PPP1R1C: variants seen among roughly 807,000 people sequenced by gnomAD.
PPP1R1C encodes the protein protein phosphatase 1 regulatory inhibitor subunit 1C.
PPP1R1C carries 15 observed loss-of-function variants against 17.4 expected under a neutral mutation model. The ratio of observed to expected loss-of-function variants is 0.86; its 90% confidence interval spans 0.58 to 1.33. The LOEUF is 1.33. Among genes scored for constraint, PPP1R1C ranks in the 40% most tolerant of loss-of-function variants. PPP1R1C has a pLI of 0.00. For missense variants in PPP1R1C, 143 were observed against 130.0 expected, an observed-to-expected ratio of 1.10 and a Z score of -0.48; for synonymous variants, 35 against 43.1, an observed-to-expected ratio of 0.81 and a Z score of 0.73.
intron 1 of PPP1R1C, among the ~76,000 whole-genome samples, chr2:181,970,569 G>T (rs1444798325): frequency 6.6e-6 from 1 of 152,114 alleles, no homozygotes; most frequent in East Asian, 1.9e-4. Flanking sequence ...GATAACCACT[G>T]CTTGGCTATC....
At chr2:181,979,958 ACAGT>A (rs1253574996) in intron 2 of PPP1R1C, among the ~76,000 whole-genome samples, 6 of 152,222 alleles carry the variant, frequency 3.9e-5, no homozygotes, top group Non-Finnish European at 8.8e-5. Flanking sequence ...TCTGTGGCTC[ACAGT>A]CAGACATCAC....
chr2:182,045,821 A>G (rs1289672252), intron 2 of PPP1R1C, among the ~76,000 whole-genome samples: 4 of 152,168 alleles, frequency 2.6e-5, no homozygotes, highest in African/African-American at 7.2e-5. Flanking sequence ...TAAGAATATG[A>G]CTTAAATGAG....
chr2:182,066,353 AT>A (rs34351162), intron 4 of PPP1R1C, among the ~76,000 whole-genome samples: 1 of 151,992 alleles, frequency 6.6e-6, no homozygotes, highest in East Asian at 1.9e-4. Flanking sequence ...TATTCATTCT[AT>A]TTTCAGCTAT....
chr2:182,117,401 C>T lies in PPP1R1C; in HGVS notation c.*106C>T, dbSNP rs1014261107. The T allele has an allele frequency of 1.3e-6, 1 of 759,134 alleles. No individual in the cohort carries two copies. Among genetic ancestry groups the T allele is most frequent in the Admixed American group, 2.6e-5 (1 of 38,352 alleles). The allele number at this position is 759,134 out of a possible 1,614,324, so 47.0% of individuals were successfully genotyped here. ...TGACTTCCAGAAGCATCCTCCATCT[C>T]TGCACCCCACACTCATACAGTAGCT... On this transcript the variant is annotated 3_prime_UTR_variant, in exon 5 of 5. Coordinates refer to ENST00000682840, the MANE Select transcript of PPP1R1C (RefSeq NM_001080545.3).
intron 4 of PPP1R1C, among the ~76,000 whole-genome samples, chr2:182,105,196 TA>T (rs1689207895): frequency 1.3e-5 from 2 of 152,204 alleles, no homozygotes; most frequent in Non-Finnish European, 2.9e-5. Context: ...TTTGCTTTAC[TA>T]TGTAAAATCA....
chr2:182,013,006 A>C (rs1274093713), intron 2 of PPP1R1C, among the ~76,000 whole-genome samples: 4 of 152,000 alleles, frequency 2.6e-5, no homozygotes, highest in Admixed American at 1.3e-4. Context: ...TTGTAATTAT[A>C]ATTTTTGATG....
intron 2 of PPP1R1C, among the ~76,000 whole-genome samples, chr2:182,058,181 G>T (rs1687745750): frequency 1.3e-5 from 2 of 151,720 alleles, no homozygotes; most frequent in Non-Finnish European, 2.9e-5. Context: ...ACATTTAATT[G>T]TCATGTCTCC....
chr2:182,071,029 C>G (rs1359573395), intron 4 of PPP1R1C, among the ~76,000 whole-genome samples: 3 of 152,166 alleles, frequency 2.0e-5, no homozygotes, highest in African/African-American at 7.2e-5. Context: ...TCACCTCCCA[C>G]CAAGCCCCAC....
intron 4 of PPP1R1C, among the ~76,000 whole-genome samples, chr2:182,100,464 C>T (rs1260175176): frequency 6.6e-6 from 1 of 150,974 alleles, no homozygotes; most frequent in Non-Finnish European, 1.5e-5. Flanking sequence ...GAGCCGAGAT[C>T]TCGCCACTGC....
At position 181,962,522 on chromosome 2, in the gene PPP1R1C, C is replaced by A; in HGVS notation, n.111+7888C>A. On this transcript the variant is annotated intron_variant and non_coding_transcript_variant, in intron 1 of 5. Transcript: ENST00000464264. The surrounding 1 kb of genome is among the most constrained non-coding windows in gnomAD (Gnocchi z 6.0). ...TGAGAGGACAGGACTCAGGCTTTGC[C>A]GACCCGTCATAGCAGTTTTCTAAGG... 1 of 625,486 alleles carries A rather than the reference C, an allele frequency of 1.6e-6. No homozygotes were observed. The highest frequency in any genetic ancestry group is 1.7e-5 in the South Asian group (1 of 58,520). 38.7% of individuals were successfully genotyped at this position (625,486 alleles called of 1,614,324 possible).
chr2:182,017,564 T>C (rs1300226896), intron 2 of PPP1R1C, among the ~76,000 whole-genome samples: 1 of 152,064 alleles, frequency 6.6e-6, no homozygotes, highest in Non-Finnish European at 1.5e-5. Flanking sequence ...TTAAAGAATA[T>C]AGGGGTGAAT....
chr2:182,109,427 G>C (rs1213717334), intron 4 of PPP1R1C, among the ~76,000 whole-genome samples: 1 of 152,150 alleles, frequency 6.6e-6, no homozygotes, highest in Non-Finnish European at 1.5e-5. Flanking sequence ...CATATTTAAG[G>C]CTACCCAGGT....
chr2:182,130,624 C>T (rs1482777610), downstream of PPP1R1C: 1 of 152,080 alleles, frequency 6.6e-6, no homozygotes, highest in Non-Finnish European at 1.5e-5. Context: ...CAACATTTTT[C>T]AAAGCCTTGC....
intron 4 of PPP1R1C, among the ~76,000 whole-genome samples, chr2:182,091,624 T>C (rs535347776): frequency 6.6e-6 from 1 of 152,134 alleles, no homozygotes; most frequent in Non-Finnish European, 1.5e-5. Context: ...GTAGAGAGGA[T>C]ACAAAGAAGT....
chr2:182,082,443 G>A (rs1688508439), intron 4 of PPP1R1C, among the ~76,000 whole-genome samples: 1 of 152,006 alleles, frequency 6.6e-6, no homozygotes, highest in African/African-American at 2.4e-5. Context: ...TAAAATCAAG[G>A]GTGGAAAGTT....
chr2:182,102,946 A>G (rs148876423), intron 4 of PPP1R1C, among the ~76,000 whole-genome samples: 51 of 152,186 alleles, frequency 3.4e-4, no homozygotes, highest in African/African-American at 1.2e-3. Context: ...AGCTGAGACT[A>G]CAGGTACACA....
At chr2:181,995,798 G>A (rs1453462126) in intron 2 of PPP1R1C, among the ~76,000 whole-genome samples, 5 of 151,724 alleles carry the variant, frequency 3.3e-5, no homozygotes, top group African/African-American at 1.2e-4. Context: ...GGAGCCTTGG[G>A]ATTTTTCTGT....
chr2:181,986,910 C>T (rs1198660365), intron 1 of PPP1R1C, among the ~76,000 whole-genome samples: 1 of 152,196 alleles, frequency 6.6e-6, no homozygotes, highest in Non-Finnish European at 1.5e-5. Flanking sequence ...AGGACATCAA[C>T]CTAATCCATT....
At chr2:182,045,167 G>T (rs1224303097) in intron 2 of PPP1R1C, among the ~76,000 whole-genome samples, 1 of 152,172 alleles carries the variant, frequency 6.6e-6, no homozygotes, top group Non-Finnish European at 1.5e-5. Context: ...CTGAGAAACT[G>T]CATGAAGGTT....
Sources: gnomAD v4.1 joint callset for allele counts (sites outside exome capture counted in the v4.1 genomes callset) on GRCh38, gnomAD v4.1.1 for gene constraint, Gnocchi (gnomAD v3.1) non-coding constraint, MANE v1.5 for transcripts, NCBI Gene and HGNC (gene_info 2026-07-23, HGNC 2026-07-21) for gene names.